EEIG2: variants seen among roughly 807,000 people sequenced by gnomAD.
The protein encoded by EEIG2 is family with sequence similarity 102 member B.
the EEIG2 span, chr1:108,629,848 A>G: frequency 3.1e-6 from 2 of 635,080 alleles, no homozygotes; most frequent in South Asian, 1.7e-5. Context: ...GTTTGACATT[A>G]TATTTTATAA....
the EEIG2 span, among the ~76,000 whole-genome samples, chr1:108,599,810 A>G: frequency 8.5e-5 from 13 of 152,304 alleles, 1 homozygote; most frequent in South Asian, 2.7e-3. Flanking sequence ...TGGACAACAT[A>G]GCCAAACCCT....
the EEIG2 span, among the ~76,000 whole-genome samples, chr1:108,578,990 A>G: frequency 1.0e-4 from 4 of 38,958 alleles, no homozygotes; most frequent in African/African-American, 2.1e-4. Flanking sequence ...AAATCATGCC[A>G]AAATGTAAAG....
At chr1:108,622,998 G>A in the EEIG2 span, among the ~76,000 whole-genome samples, 30 of 152,244 alleles carry the variant, frequency 2.0e-4, no homozygotes, top group Non-Finnish European at 4.3e-4. Flanking sequence ...ACTTCAGGAG[G>A]TCAAGGTGGA....
At chr1:108,588,408 G>A in the EEIG2 span, among the ~76,000 whole-genome samples, 1 of 152,086 alleles carries the variant, frequency 6.6e-6, no homozygotes, top group Non-Finnish European at 1.5e-5. Context: ...GTAATTGATA[G>A]GAGTGTTAAC....
At chr1:108,573,917 A>G in the EEIG2 span, among the ~76,000 whole-genome samples, 1 of 152,258 alleles carries the variant, frequency 6.6e-6, no homozygotes, top group Non-Finnish European at 1.5e-5. Flanking sequence ...TGGAGAAATT[A>G]GAACCCTTTT....
the EEIG2 span, among the ~76,000 whole-genome samples, chr1:108,599,365 A>G: frequency 1.3e-5 from 2 of 152,156 alleles, no homozygotes; most frequent in Non-Finnish European, 2.9e-5. Context: ...AAGAAAATCA[A>G]AACTGTTCAA....
the EEIG2 span, among the ~76,000 whole-genome samples, chr1:108,600,086 G>A: frequency 1.3e-5 from 2 of 152,214 alleles, no homozygotes; most frequent in African/African-American, 4.8e-5. Context: ...AATGGTAGCT[G>A]TTCTTGCTGT....
At chr1:108,624,446 A>AAC in the EEIG2 span, among the ~76,000 whole-genome samples, 84,793 of 149,570 alleles carry the variant, frequency 0.57, 24,320 homozygotes, top group East Asian at 0.63. Flanking sequence ...AAAAAAAAAA[A>AAC]AAACCCTTTT....
At chr1:108,600,702 A>G in the EEIG2 span, 5 of 1,594,236 alleles carry the variant, frequency 3.1e-6, no homozygotes, top group Admixed American at 1.7e-5. Flanking sequence ...AAAATAGCCT[A>G]TTACTTCTTC....
At chr1:108,596,894 A>G in the EEIG2 span, among the ~76,000 whole-genome samples, 39 of 152,144 alleles carry the variant, frequency 2.6e-4, no homozygotes, top group South Asian at 7.3e-3. Flanking sequence ...GCACGCCACC[A>G]TAAGTTGTAA....
chr1:108,633,643 C>G, the EEIG2 span, among the ~76,000 whole-genome samples: 2 of 152,146 alleles, frequency 1.3e-5, no homozygotes, highest in Non-Finnish European at 2.9e-5. Flanking sequence ...TCTTTTATAT[C>G]TGGCTGCTTT....
the EEIG2 span, among the ~76,000 whole-genome samples, chr1:108,572,571 T>C: frequency 6.6e-6 from 1 of 152,222 alleles, no homozygotes; most frequent in Non-Finnish European, 1.5e-5. Flanking sequence ...GTTCCACCTT[T>C]TCATTCGTCT....
the EEIG2 span, among the ~76,000 whole-genome samples, chr1:108,632,130 A>G: frequency 1.1e-5 from 1 of 94,490 alleles, no homozygotes. Flanking sequence ...AAAAAAAAAA[A>G]AAAAAAGAAG....
the EEIG2 span, among the ~76,000 whole-genome samples, chr1:108,567,154 TTAAAA>T: frequency 3.9e-5 from 6 of 152,044 alleles, no homozygotes; most frequent in Non-Finnish European, 8.8e-5. Flanking sequence ...AGTTAAGTAA[TTAAAA>T]TAAAAAATTT....
chr1:108,629,196 T>C, the EEIG2 span, among the ~76,000 whole-genome samples: 1 of 152,204 alleles, frequency 6.6e-6, no homozygotes, highest in African/African-American at 2.4e-5. Flanking sequence ...ATTCCCTCCT[T>C]AGAATTTTCA....
chr1:108,627,383 C>T, the EEIG2 span: 5 of 152,200 alleles, frequency 3.3e-5, no homozygotes, highest in Non-Finnish European at 7.3e-5. Flanking sequence ...TACTCAATTG[C>T]TTTCCTTCTG....
chr1:108,580,684 T>A, the EEIG2 span, among the ~76,000 whole-genome samples: 1 of 111,896 alleles, frequency 8.9e-6, no homozygotes, highest in Non-Finnish European at 1.7e-5. Flanking sequence ...TTAAACCAAA[T>A]TCCCTTAAGC....
At chr1:108,581,084 G>A in the EEIG2 span, among the ~76,000 whole-genome samples, 2 of 152,070 alleles carry the variant, frequency 1.3e-5, no homozygotes, top group Non-Finnish European at 2.9e-5. Context: ...AAATCCTAGG[G>A]TCCTTAAGAA....
chr1:108,590,478 C>T, the EEIG2 span, among the ~76,000 whole-genome samples: 3 of 152,162 alleles, frequency 2.0e-5, no homozygotes, highest in African/African-American at 7.2e-5. Context: ...TATTGAGATA[C>T]ACTGTAAGCC....
Sources: allele counts gnomAD v4.1 joint callset (sites outside exome capture counted in the v4.1 genomes callset), GRCh38; gene constraint gnomAD v4.1.1; transcripts MANE v1.5; gene names NCBI Gene and HGNC (gene_info 2026-07-23, HGNC 2026-07-21).